The following PECAM1 variants were observed in gnomAD, a reference collection of about 807,000 sequenced individuals.
PECAM1 encodes platelet and endothelial cell adhesion molecule 1.
In PECAM1, 8 loss-of-function variants were observed where a neutral mutation model predicts 13.8. That is an observed-to-expected ratio of 0.58 (90% CI 0.34 to 1.05). The LOEUF is 1.05. Ranked by LOEUF, PECAM1 falls within the 50% of genes least tolerant of loss-of-function variation. The probability of loss-of-function intolerance (pLI) is 0.03; values close to 1 mark genes in which losing one functional copy is unlikely to be tolerated. For missense variants in PECAM1, 304 were observed against 141.2 expected (o/e 2.15, Z -5.84); for synonymous variants, 136 against 52.6 (o/e 2.58, Z -6.86).
At chr17:64,351,274 T>G (rs1420620960) in intron 11 of PECAM1, among the ~76,000 whole-genome samples, 1 of 152,244 alleles carries the variant, frequency 6.6e-6, no homozygotes, top group African/African-American at 2.4e-5. Flanking sequence ...TTTTAAAGTT[T>G]ATGATTCAGT....
At chr17:64,346,327 G>C (rs2035569046) in intron 13 of PECAM1, among the ~76,000 whole-genome samples, 1 of 151,862 alleles carries the variant, frequency 6.6e-6, no homozygotes, top group South Asian at 2.1e-4. Flanking sequence ...GAGGAGGACA[G>C]TTAGGAGATG....
intron 14 of PECAM1, among the ~76,000 whole-genome samples, chr17:64,334,697 T>A (rs962232954): frequency 6.6e-6 from 1 of 152,014 alleles, no homozygotes; most frequent in African/African-American, 2.4e-5. Context: ...TTAGTAGAGA[T>A]GGGGTTTCAC....
In PECAM1 at chr17:64,321,473, A is replaced by G. The variant is rs1555644396; in HGVS notation, c.*2343T>C. On this transcript the variant is annotated 3_prime_UTR_variant, in exon 16 of 16. Transcript: ENST00000563924. ...GTAATTTTAAACTCATGTGTGCTCC[A>G]CAGGCCGGGGGCGGTGGCTCATGCC... is the stretch of plus-strand genomic sequence containing the variant. 1.0e-6 allele frequency: 1 copy of G among 991,538 alleles called. No homozygotes were observed. The highest frequency in any genetic ancestry group is 1.1e-4 in the East Asian group (1 of 9,052). The allele number at this position is 991,538 out of a possible 1,614,324, so 61.4% of individuals were successfully genotyped here.
At chr17:64,348,398 CTTTCT>C in intron 12 of PECAM1, 76 bp from the exon 13 acceptor site, 1 of 391,784 alleles carries the variant, frequency 2.6e-6, no homozygotes, top group Non-Finnish European at 4.5e-6. Flanking sequence ...GAAGTAGAGA[CTTTCT>C]TTTCTTTTTT....
At chr17:64,377,502 T>C in intron 3 of PECAM1, 1 of 164,520 alleles carries the variant, frequency 6.1e-6, no homozygotes, top group Non-Finnish European at 1.3e-5. Flanking sequence ...TCCCAATTAC[T>C]TGGGAGGCTG....
intron 11 of PECAM1, 148 bp downstream of exon 11, chr17:64,352,242 A>G: frequency 2.5e-6 from 1 of 405,662 alleles, no homozygotes; most frequent in Non-Finnish European, 4.5e-6. Context: ...TACATGGCCC[A>G]GTGGCTGATG....
At chr17:64,347,067 T>C (rs2035585771) in intron 13 of PECAM1, among the ~76,000 whole-genome samples, 1 of 152,274 alleles carries the variant, frequency 6.6e-6, no homozygotes, top group South Asian at 2.1e-4. Context: ...AGTAGTATCA[T>C]AACTAATAAT....
intron 14 of PECAM1, among the ~76,000 whole-genome samples, chr17:64,330,529 G>A (rs62071611): frequency 0.065 from 9,799 of 151,726 alleles, 369 homozygotes; most frequent in Middle Eastern, 0.088. Flanking sequence ...CCAGTTACTC[G>A]GGAGGCTGAG....
chr17:64,351,267 TAA>T (rs2035717236), intron 11 of PECAM1, among the ~76,000 whole-genome samples: 1 of 152,230 alleles, frequency 6.6e-6, no homozygotes, highest in South Asian at 2.1e-4. Flanking sequence ...TTTCCTTTTT[TAA>T]AGTTTATGAT....
intron 2 of PECAM1, 75 bp from the exon 3 acceptor site, chr17:64,378,192 T>C: frequency 2.4e-6 from 1 of 420,590 alleles, no homozygotes; most frequent in Non-Finnish European, 4.3e-6. Context: ...CTTCACCACA[T>C]CAGATGTGGT....
chr17:64,374,971 C>G (rs1299602652), intron 4 of PECAM1, 80 bp downstream of exon 4: 1 of 433,018 alleles, frequency 2.3e-6, no homozygotes, highest in African/African-American at 2.0e-5. Flanking sequence ...AACAGCAGCC[C>G]CTTCCCAGTT....
intron 14 of PECAM1, among the ~76,000 whole-genome samples, chr17:64,333,843 C>G (rs1171533562): frequency 6.8e-6 from 1 of 146,648 alleles, no homozygotes; most frequent in Non-Finnish European, 1.5e-5. Context: ...GCCTGTAGTC[C>G]CAGCTGAGTC....
At position 64,358,111 on chromosome 17, in the gene PECAM1, C is replaced by CTTT. The variant is rs141671796; in HGVS notation, c.1493-1716_1493-1714dup. On this transcript the variant is annotated intron_variant, in intron 7 of 15. Transcript: ENST00000563924. ...TCCAGCCATCTGATTTGGCCACAGT[C>CTTT]TTTTTTTTTTTTTTTTTTTTTTTTT... Among the ~76,000 whole-genome samples, 384 of 71,544 alleles carry CTTT rather than the reference C, an allele frequency of 5.4e-3. 19 individuals carry two copies. Among genetic ancestry groups the CTTT allele is most frequent in the East Asian group, 8.6e-3 (16 of 1,866 alleles). 46.9% of individuals were successfully genotyped at this position (71,544 alleles called of 152,430 possible). A position where few individuals can be genotyped will look rare whatever the true frequency, so the allele number is the denominator to read the frequency against.
At chr17:64,373,134 A>AATAT (rs2036279738) in intron 4 of PECAM1, among the ~76,000 whole-genome samples, 1 of 150,004 alleles carries the variant, frequency 6.7e-6, no homozygotes, top group African/African-American at 2.5e-5. Context: ...TAAATAAATA[A>AATAT]ATAAATAAAT....
At chr17:64,370,163 T>C (rs1286810258) in intron 4 of PECAM1, 138 bp from the exon 5 acceptor site, 1 of 396,340 alleles carries the variant, frequency 2.5e-6, no homozygotes, top group Non-Finnish European at 4.4e-6. Flanking sequence ...CTTTCTTCTC[T>C]AGAACTTTTG....
At chr17:64,347,724 T>C (rs1205278842) in intron 13 of PECAM1, among the ~76,000 whole-genome samples, 4 of 139,568 alleles carry the variant, frequency 2.9e-5, no homozygotes, top group Non-Finnish European at 4.5e-5. Context: ...ATATTATATA[T>C]TTTATATATA....
At chr17:64,346,645 A>C (rs2035577196) in intron 13 of PECAM1, among the ~76,000 whole-genome samples, 1 of 152,132 alleles carries the variant, frequency 6.6e-6, no homozygotes, top group East Asian at 1.9e-4. Context: ...CAGGAGATGC[A>C]TGTTTTTTAT....
chr17:64,332,891 G>T (rs891001861), intron 14 of PECAM1, among the ~76,000 whole-genome samples: 1 of 152,222 alleles, frequency 6.6e-6, no homozygotes, highest in African/African-American at 2.4e-5. Context: ...AGTGGCTCAC[G>T]CCTGTCATCC....
At chr17:64,358,199 A>G (rs1248363830) in intron 7 of PECAM1, among the ~76,000 whole-genome samples, 12 of 140,754 alleles carry the variant, frequency 8.5e-5, no homozygotes, top group African/African-American at 3.1e-4. Flanking sequence ...GCTCACTGCA[A>G]CCTCTGCCTC....
Sources: allele counts gnomAD v4.1 joint callset (sites outside exome capture counted in the v4.1 genomes callset), GRCh38; gene constraint gnomAD v4.1.1; transcripts MANE v1.5; gene names NCBI Gene and HGNC (gene_info 2026-07-23, HGNC 2026-07-21).